CTNNBL1: variants seen among roughly 807,000 people sequenced by gnomAD.
CTNNBL1 encodes beta-catenin-like protein 1.
CTNNBL1 carries 31 observed loss-of-function variants against 72.7 expected under a neutral mutation model. That is an observed-to-expected ratio of 0.43 (90% CI 0.32 to 0.58). CTNNBL1 has a LOEUF of 0.58. Ranked by LOEUF, CTNNBL1 falls within the 20% of genes least tolerant of loss-of-function variation. CTNNBL1 has a pLI of 0.08. For synonymous variants in CTNNBL1, 240 were observed against 267.3 expected (o/e 0.90, Z 1.00); for missense variants, 534 against 725.1 (o/e 0.74, Z 3.03).
chr20:37,858,607 A>ATT (rs2072463431), intron 13 of CTNNBL1, among the ~76,000 whole-genome samples: 4 of 151,726 alleles, frequency 2.6e-5, no homozygotes, highest in South Asian at 4.1e-4. Flanking sequence ...GGGTTGGGGG[A>ATT]TGGTAAAGAT....
intron 11 of CTNNBL1, among the ~76,000 whole-genome samples, chr20:37,822,496 A>G (rs1210366532): frequency 6.6e-6 from 1 of 152,116 alleles, no homozygotes; most frequent in African/African-American, 2.4e-5. Flanking sequence ...TTTGCCAGAA[A>G]CCATCTGTTT....
intron 1 of CTNNBL1, among the ~76,000 whole-genome samples, chr20:37,714,700 C>G (rs775909008): frequency 2.6e-5 from 4 of 152,078 alleles, no homozygotes; most frequent in Admixed American, 6.5e-5. Context: ...GCCTTATAGG[C>G]AAAAAATAAG....
At chr20:37,734,221 A>T (rs1415289244) in intron 2 of CTNNBL1, among the ~76,000 whole-genome samples, 1 of 152,252 alleles carries the variant, frequency 6.6e-6, no homozygotes, top group Non-Finnish European at 1.5e-5. Flanking sequence ...GTGTTGTGAC[A>T]ATAGCTCTGT....
At chr20:37,762,508 A>G (rs1473392424) in intron 5 of CTNNBL1, among the ~76,000 whole-genome samples, 2 of 152,178 alleles carry the variant, frequency 1.3e-5, no homozygotes, top group African/African-American at 4.8e-5. Context: ...GCTAACAATC[A>G]GAAATAACAA....
chr20:37,830,955 TAAGTC>T (rs1290356201), intron 11 of CTNNBL1, among the ~76,000 whole-genome samples: 1 of 152,160 alleles, frequency 6.6e-6, no homozygotes, highest in African/African-American at 2.4e-5. Context: ...AGACAAAAAA[TAAGTC>T]AAGCCATCAT....
At chr20:37,746,664 A>T (rs918448499) in intron 4 of CTNNBL1, 57 bp downstream of exon 4, 14 of 1,592,904 alleles carry the variant, frequency 8.8e-6, no homozygotes, top group Non-Finnish European at 1.1e-5. Flanking sequence ...AAGTGCTGTT[A>T]CTCTTTCTCC....
chr20:37,757,741 G>C, intron 5 of CTNNBL1, 85 bp downstream of exon 5: 1 of 936,000 alleles, frequency 1.1e-6, no homozygotes, highest in East Asian at 2.5e-5. Context: ...GTGGCCACCA[G>C]GTGGAACTCC....
intron 3 of CTNNBL1, among the ~76,000 whole-genome samples, chr20:37,741,551 G>A (rs1370511077): frequency 6.6e-6 from 1 of 152,194 alleles, no homozygotes; most frequent in Non-Finnish European, 1.5e-5. Flanking sequence ...GTAGTACCAG[G>A]CATGCTTATA....
intron 2 of CTNNBL1, among the ~76,000 whole-genome samples, chr20:37,735,840 G>A (rs1219294498): frequency 1.3e-5 from 2 of 152,182 alleles, no homozygotes; most frequent in African/African-American, 4.8e-5. Context: ...TCTATTTCAG[G>A]TTCTCTTAAT....
At chr20:37,791,661 G>C (rs540722672) in intron 10 of CTNNBL1, among the ~76,000 whole-genome samples, 9 of 152,318 alleles carry the variant, frequency 5.9e-5, no homozygotes, top group Admixed American at 2.6e-4. Context: ...GCAGGTGAGT[G>C]AGCATTACTG....
intron 4 of CTNNBL1, 55 bp from the exon 5 acceptor site, chr20:37,757,504 A>G: frequency 7.8e-7 from 1 of 1,284,230 alleles, no homozygotes; most frequent in Non-Finnish European, 1.1e-6. Context: ...ATCAAGGATT[A>G]AGAAAAATAC....
intron 3 of CTNNBL1, among the ~76,000 whole-genome samples, chr20:37,745,795 A>G (rs1002749844): frequency 8.5e-5 from 13 of 152,344 alleles, no homozygotes; most frequent in Middle Eastern, 3.4e-3. Context: ...TTGTATGTCA[A>G]ACACCGGGGG....
At chr20:37,854,591 T>C (rs957459281) in intron 13 of CTNNBL1, among the ~76,000 whole-genome samples, 1 of 133,626 alleles carries the variant, frequency 7.5e-6, no homozygotes, top group Non-Finnish European at 1.6e-5. Flanking sequence ...TTATTATTAT[T>C]ATTATTATTA....
At chr20:37,728,033 G>T in intron 1 of CTNNBL1, among the ~76,000 whole-genome samples, 1 of 152,086 alleles carries the variant, frequency 6.6e-6, no homozygotes, top group Non-Finnish European at 1.5e-5. Context: ...AACTTTTTGC[G>T]TCCATATTTC....
At chr20:37,846,356 C>T (rs1380011222) in intron 13 of CTNNBL1, among the ~76,000 whole-genome samples, 1 of 152,024 alleles carries the variant, frequency 6.6e-6, no homozygotes, top group East Asian at 1.9e-4. Flanking sequence ...AGAGGAAGAG[C>T]GTGGGCTTTA....
At chr20:37,847,716 AG>A (rs2072358385) in intron 13 of CTNNBL1, 1 of 152,550 alleles carries the variant, frequency 6.6e-6, no homozygotes, top group Non-Finnish European at 1.5e-5. Flanking sequence ...CCTTGGAGAG[AG>A]GTTTTCTCTT....
intron 12 of CTNNBL1, 108 bp from the exon 13 acceptor site, chr20:37,842,226 AGAGCG>A: frequency 2.7e-6 from 2 of 737,668 alleles, no homozygotes; most frequent in Non-Finnish European, 4.9e-6. Context: ...AAGGAGTGCC[AGAGCG>A]GGTCTCCCTT....
chr20:37,772,148 C>A (rs536201816), intron 7 of CTNNBL1, among the ~76,000 whole-genome samples: 2 of 152,258 alleles, frequency 1.3e-5, no homozygotes, highest in East Asian at 3.9e-4. Context: ...TTTCTTTCTC[C>A]AAATATCTCT....
intron 5 of CTNNBL1, among the ~76,000 whole-genome samples, chr20:37,761,063 T>C (rs904087452): frequency 6.6e-6 from 1 of 151,168 alleles, no homozygotes; most frequent in Non-Finnish European, 1.5e-5. Flanking sequence ...AGAGGGGCAG[T>C]GTTCTGTGGA....
Sources: gnomAD v4.1 joint callset for allele counts (sites outside exome capture counted in the v4.1 genomes callset) on GRCh38, gnomAD v4.1.1 for gene constraint, MANE v1.5 for transcripts, NCBI Gene and HGNC (gene_info 2026-07-23, HGNC 2026-07-21) for gene names.